Variants in POU2F1 observed in about 807,000 individuals in gnomAD.
POU2F1 encodes POU domain, class 2, transcription factor 1.
In POU2F1, 16 loss-of-function variants were observed where a neutral mutation model predicts 84.9. That is an observed-to-expected ratio of 0.19 (90% CI 0.13 to 0.29). POU2F1 has a LOEUF of 0.29. POU2F1 is among the 10% of genes least tolerant of loss of function. The pLI, the probability that POU2F1 is intolerant of heterozygous loss-of-function variation, is 1.00. For synonymous variants in POU2F1, 368 were observed against 368.3 expected, an observed-to-expected ratio of 1.00 and a Z score of 0.01; for missense variants, 738 against 942.6, an observed-to-expected ratio of 0.78 and a Z score of 2.84.
chr1:167,343,255 A>G (rs113985832), intron 2 of POU2F1, among the ~76,000 whole-genome samples: 5 of 152,316 alleles, frequency 3.3e-5, no homozygotes, highest in African/African-American at 1.2e-4. Flanking sequence ...ATGACTGAAT[A>G]AGCAATTGAT....
chr1:167,340,431 CT>C (rs761386225), intron 2 of POU2F1, among the ~76,000 whole-genome samples: 68 of 122,300 alleles, frequency 5.6e-4, no homozygotes, highest in Middle Eastern at 4.2e-3. Flanking sequence ...TTCTTTTTTT[CT>C]TTTTTTTTTT....
intron 1 of POU2F1, among the ~76,000 whole-genome samples, chr1:167,236,681 TG>T (rs1399369542): frequency 1.3e-5 from 2 of 152,188 alleles, no homozygotes; most frequent in African/African-American, 4.8e-5. Flanking sequence ...GTTAGTCACA[TG>T]CTTTACTTGC....
intron 1 of POU2F1, among the ~76,000 whole-genome samples, chr1:167,287,482 A>G (rs17348699): frequency 0.011 from 1,622 of 152,352 alleles, 7 homozygotes; most frequent in Non-Finnish European, 0.017. Flanking sequence ...AGTTGCAGCA[A>G]AACAACCAAC....
At chr1:167,401,421 T>A in intron 12 of POU2F1, 30 bp from the exon 13 acceptor site, 1 of 1,487,742 alleles carries the variant, frequency 6.7e-7, no homozygotes, top group Non-Finnish European at 9.3e-7. Context: ...TTTTAAGTGC[T>A]TTGTCCATGT....
intron 1 of POU2F1, among the ~76,000 whole-genome samples, chr1:167,237,766 ATATAT>A (rs1360147683): frequency 0.46 from 26,651 of 57,670 alleles, 4,384 homozygotes; most frequent in Middle Eastern, 0.61. Context: ...ATATATATAT[ATATAT>A]ATTTTTTTTT....
intron 2 of POU2F1, among the ~76,000 whole-genome samples, chr1:167,352,901 T>C (rs1658675269): frequency 6.6e-6 from 1 of 152,180 alleles, no homozygotes; most frequent in Non-Finnish European, 1.5e-5. Context: ...TGCTTTTGGG[T>C]TAGAGAGATG....
chr1:167,278,065 C>A (rs1374136688), intron 1 of POU2F1, among the ~76,000 whole-genome samples: 2 of 152,094 alleles, frequency 1.3e-5, no homozygotes, highest in East Asian at 1.9e-4. Flanking sequence ...AGCATTATTT[C>A]CTGCTACTCT....
At chr1:167,346,703 C>T (rs1334516499) in intron 2 of POU2F1, among the ~76,000 whole-genome samples, 6 of 152,206 alleles carry the variant, frequency 3.9e-5, no homozygotes, top group Admixed American at 3.9e-4. Flanking sequence ...ATAACGCTAT[C>T]TTGCCCACCA....
chr1:167,317,943 A>G (rs1446216546), intron 1 of POU2F1, among the ~76,000 whole-genome samples: 3 of 152,230 alleles, frequency 2.0e-5, no homozygotes, highest in African/African-American at 7.2e-5. Flanking sequence ...TCTGCAGACT[A>G]TACACAGACA....
chr1:167,385,105 G>T (rs1647869596), intron 8 of POU2F1, among the ~76,000 whole-genome samples: 1 of 151,802 alleles, frequency 6.6e-6, no homozygotes, highest in African/African-American at 2.4e-5. Context: ...AGTACTTAGG[G>T]GTAAACAACA....
At chr1:167,338,390 C>T in intron 2 of POU2F1, 1 of 359,650 alleles carries the variant, frequency 2.8e-6, no homozygotes, top group South Asian at 2.2e-5. Context: ...CAACAGTAGG[C>T]TATTAGTATT....
At chr1:167,231,469 A>G (rs1649057410) in intron 1 of POU2F1, among the ~76,000 whole-genome samples, 1 of 152,210 alleles carries the variant, frequency 6.6e-6, no homozygotes, top group Non-Finnish European at 1.5e-5. Flanking sequence ...TAGAATGCGA[A>G]TGAACAAAGG....
At chr1:167,344,889 G>A (rs1387836864) in intron 2 of POU2F1, among the ~76,000 whole-genome samples, 4 of 152,132 alleles carry the variant, frequency 2.6e-5, no homozygotes, top group African/African-American at 7.2e-5. Flanking sequence ...GCCATAAAAA[G>A]GAATGAGATC....
chr1:167,287,489 C>A (rs534205769), intron 1 of POU2F1, among the ~76,000 whole-genome samples: 5 of 152,082 alleles, frequency 3.3e-5, no homozygotes, highest in African/African-American at 1.2e-4. Context: ...GCAAAACAAC[C>A]AACAAAGGAA....
chr1:167,355,944 TTTA>T (rs1017013273), intron 2 of POU2F1, among the ~76,000 whole-genome samples: 4 of 151,994 alleles, frequency 2.6e-5, no homozygotes, highest in South Asian at 2.1e-4. Context: ...CAAAGACAAT[TTTA>T]TTATTATTAT....
Position 167,359,669 on chromosome 1 carries a change from C to T in POU2F1, c.128-5798C>T, listed in dbSNP as rs144492619. On this transcript the variant is annotated intron_variant, in intron 2 of 15. Transcript: ENST00000367866. ...AAATGCAGGTGTCTTTTGGGTAGAA[C>T]GATTTATTTTTCTTTGGGTATATAT... Among the ~76,000 whole-genome samples the T allele has an allele frequency of 9.0e-3, 1,374 of 152,104 alleles. 19 individuals carry two copies. Among genetic ancestry groups the T allele is most frequent in the African/African-American group, 0.031 (1,276 of 41,488 alleles).
rs1650316138 is a variant in POU2F1, at chr1:167,246,311, G to A, written c.61+25353G>A. 2.0e-5 allele frequency among the ~76,000 whole-genome samples: 3 copies of A among 152,044 alleles called. No homozygotes were observed. In the South Asian group the frequency reaches 6.2e-4, roughly 32 times the overall value. On this transcript the variant is annotated intron_variant, in intron 1 of 15. Transcript: ENST00000367866. ...CCCTTTCCTCCTAAAGCAAAGTTTA[G>A]AACATTTTCTTCTTTGCTTTAGCCA...
chr1:167,250,403 A>T (rs1650636641), intron 1 of POU2F1, among the ~76,000 whole-genome samples: 1 of 152,206 alleles, frequency 6.6e-6, no homozygotes, highest in Non-Finnish European at 1.5e-5. Context: ...TTATAATGTT[A>T]CAAATATTTC....
At position 167,399,166 on chromosome 1, in the gene POU2F1, T is replaced by G; in HGVS notation, c.1270-20T>G. 6.3e-7 allele frequency: 1 copy of G among 1,582,578 alleles called. No homozygotes were observed. The highest frequency in any genetic ancestry group is 8.6e-7 in the Non-Finnish European group (1 of 1,164,236). ...TATTGCAAAGGATAGCTTTTGGAATTACATCTTTTCACCCTGCAGAATCAA... is the reference window on the plus strand; with the variant it reads ...TATTGCAAAGGATAGCTTTTGGAATGACATCTTTTCACCCTGCAGAATCAA... On this transcript the variant is annotated intron_variant, in intron 11 of 15. Coordinates refer to ENST00000367866, the MANE Select transcript of POU2F1 (RefSeq NM_002697.4).
Sources: allele counts gnomAD v4.1 joint callset (sites outside exome capture counted in the v4.1 genomes callset), GRCh38; gene constraint gnomAD v4.1.1; transcripts MANE v1.5; gene names NCBI Gene and HGNC (gene_info 2026-07-23, HGNC 2026-07-21).